The following PEBP4 variants were observed in gnomAD, a reference collection of about 807,000 sequenced individuals.
PEBP4 encodes the protein phosphatidylethanolamine binding protein 4.
Under a neutral mutation model 23.9 loss-of-function variants are expected in PEBP4, and 22 were observed. That is an observed-to-expected ratio of 0.92 (90% CI 0.66 to 1.31). The LOEUF (loss-of-function observed/expected upper bound fraction) is 1.31. Among genes scored for constraint, PEBP4 ranks in the 40% most tolerant of loss-of-function variants. The pLI is 0.00. For missense variants in PEBP4, 324 were observed against 281.7 expected, an observed-to-expected ratio of 1.15 and a Z score of -1.07; for synonymous variants, 112 against 99.3, an observed-to-expected ratio of 1.13 and a Z score of -0.76.
chr8:22,744,781 G>C (rs62494981), intron 4 of PEBP4: 2 of 152,102 alleles, frequency 1.3e-5, no homozygotes, highest in African/African-American at 2.4e-5. Flanking sequence ...GTTAGACAGT[G>C]ACAGCAGTCC....
chr8:22,915,812 A>C (rs1293782492), intron 3 of PEBP4, among the ~76,000 whole-genome samples: 1 of 152,172 alleles, frequency 6.6e-6, no homozygotes, highest in African/African-American at 2.4e-5. Context: ...TTCCTCGGCT[A>C]ATCATTTTGT....
chr8:22,860,679 G>T (rs1257473486), intron 3 of PEBP4, among the ~76,000 whole-genome samples: 1 of 152,156 alleles, frequency 6.6e-6, no homozygotes, highest in African/African-American at 2.4e-5. Flanking sequence ...TTAAAACCCA[G>T]GATACGTACT....
intron 4 of PEBP4, among the ~76,000 whole-genome samples, chr8:22,817,055 CT>C (rs1377530047): frequency 1.3e-5 from 2 of 152,226 alleles, no homozygotes; most frequent in African/African-American, 4.8e-5. Flanking sequence ...AGGACCCTCC[CT>C]GAAGAGGGTG....
intron 3 of PEBP4, among the ~76,000 whole-genome samples, chr8:22,872,094 G>C (rs1808018155): frequency 1.3e-5 from 2 of 152,158 alleles, no homozygotes; most frequent in Admixed American, 6.5e-5. Flanking sequence ...AAGTTGCTGT[G>C]AAAGACATTA....
chr8:22,737,043 C>T (rs573786109), intron 4 of PEBP4, among the ~76,000 whole-genome samples: 45 of 152,270 alleles, frequency 3.0e-4, no homozygotes, highest in African/African-American at 1.1e-3. Context: ...CCTGTAATTG[C>T]AGCACTTTGG....
At chr8:22,900,521 C>T (rs941535983) in intron 3 of PEBP4, among the ~76,000 whole-genome samples, 4 of 152,050 alleles carry the variant, frequency 2.6e-5, no homozygotes, top group Admixed American at 2.6e-4. Flanking sequence ...TGGTTGCAGG[C>T]GCCTGTAATC....
At chr8:22,788,415 G>A (rs938645714) in intron 4 of PEBP4, among the ~76,000 whole-genome samples, 20 of 152,182 alleles carry the variant, frequency 1.3e-4, no homozygotes, top group African/African-American at 4.6e-4. Flanking sequence ...CCCATGAGAG[G>A]TGACGCAGGG....
At chr8:22,766,949 T>C (rs1000999140) in intron 4 of PEBP4, among the ~76,000 whole-genome samples, 5 of 152,216 alleles carry the variant, frequency 3.3e-5, no homozygotes, top group African/African-American at 1.2e-4. Flanking sequence ...ATGCCTCAGT[T>C]TCCTCATGGA....
intron 4 of PEBP4, among the ~76,000 whole-genome samples, chr8:22,811,799 G>T (rs1418234096): frequency 6.6e-6 from 1 of 152,228 alleles, no homozygotes; most frequent in Non-Finnish European, 1.5e-5. Flanking sequence ...GCTGGGCCTG[G>T]ACTCATCTAG....
At chr8:22,739,705 C>T (rs752348986) in intron 4 of PEBP4, among the ~76,000 whole-genome samples, 26 of 152,204 alleles carry the variant, frequency 1.7e-4, no homozygotes, top group South Asian at 6.2e-4. Flanking sequence ...GCAGTCTCCC[C>T]GAGCTCCGGC....
intron 3 of PEBP4, among the ~76,000 whole-genome samples, chr8:22,835,591 A>C (rs916583860): frequency 2.0e-5 from 3 of 152,216 alleles, no homozygotes; most frequent in Non-Finnish European, 4.4e-5. Context: ...CACTGGAAGG[A>C]ATAGGGATCA....
At chr8:22,930,606 A>G (rs1809440277), upstream of PEBP4, among the ~76,000 whole-genome samples, 1 of 152,142 alleles carries the variant, frequency 6.6e-6, no homozygotes, top group Admixed American at 6.5e-5. Context: ...CTGTACAAAC[A>G]TCAGTAGGAA....
chr8:22,892,189 A>G (rs766942016), intron 3 of PEBP4, among the ~76,000 whole-genome samples: 1 of 152,218 alleles, frequency 6.6e-6, no homozygotes, highest in Non-Finnish European at 1.5e-5. Flanking sequence ...ATGCTAAAAT[A>G]TCTGAATAGT....
intron 3 of PEBP4, among the ~76,000 whole-genome samples, chr8:22,899,944 G>A (rs774347304): frequency 7.9e-5 from 12 of 152,132 alleles, no homozygotes; most frequent in Non-Finnish European, 1.5e-4. Context: ...GAGTGACAAC[G>A]GGAGGAGCAT....
chr8:22,716,143 AT>A (rs1208078213), intron 6 of PEBP4, among the ~76,000 whole-genome samples: 1 of 152,118 alleles, frequency 6.6e-6, no homozygotes, highest in Non-Finnish European at 1.5e-5. Flanking sequence ...AAGCTGTCTG[AT>A]GCCTGTCTCA....
At chr8:22,844,933 T>G (rs1431895400) in intron 3 of PEBP4, among the ~76,000 whole-genome samples, 2 of 152,284 alleles carry the variant, frequency 1.3e-5, no homozygotes, top group East Asian at 3.9e-4. Context: ...CTCTCAACCC[T>G]ATGAACCAGG....
intron 4 of PEBP4, among the ~76,000 whole-genome samples, chr8:22,805,331 T>G (rs909761542): frequency 7.2e-5 from 11 of 152,288 alleles, no homozygotes; most frequent in African/African-American, 2.6e-4. Flanking sequence ...CGTGTTTTGT[T>G]TTGTTTTGTT....
At chr8:22,824,482 A>G (rs1235043193) in intron 3 of PEBP4, among the ~76,000 whole-genome samples, 3 of 152,190 alleles carry the variant, frequency 2.0e-5, no homozygotes, top group Non-Finnish European at 4.4e-5. Context: ...CGTGGAAGAC[A>G]ATTTTTCCCC....
At chr8:22,912,292 G>T (rs777933416) in intron 3 of PEBP4, among the ~76,000 whole-genome samples, 17 of 152,184 alleles carry the variant, frequency 1.1e-4, no homozygotes, top group Non-Finnish European at 2.4e-4. Flanking sequence ...ATTGCAAGAT[G>T]CCCATCACAG....
Sources: gnomAD v4.1 joint callset for allele counts (sites outside exome capture counted in the v4.1 genomes callset) on GRCh38, gnomAD v4.1.1 for gene constraint, MANE v1.5 for transcripts, NCBI Gene and HGNC (gene_info 2026-07-23, HGNC 2026-07-21) for gene names.